The following STRN3 variants were observed in gnomAD, a reference collection of about 807,000 sequenced individuals.
The protein encoded by STRN3 is striatin-3.
In STRN3, 29 loss-of-function variants were observed where a neutral mutation model predicts 95.6. The observed-to-expected ratio is 0.30, with a 90% CI of 0.23 to 0.41. The LOEUF (loss-of-function observed/expected upper bound fraction) is 0.41, where lower values mean the gene tolerates loss of function less well. Among genes scored for constraint, STRN3 ranks in the 10% least tolerant of loss-of-function variants. The probability of loss-of-function intolerance (pLI) is 1.00; values close to 1 mark genes in which losing one functional copy is unlikely to be tolerated. For missense variants in STRN3, 890 were observed against 972.1 expected, an observed-to-expected ratio of 0.92 and a Z score of 1.12; for synonymous variants, 331 against 357.6, an observed-to-expected ratio of 0.93 and a Z score of 0.84.
intron 1 of STRN3, among the ~76,000 whole-genome samples, chr14:30,970,347 C>T (rs556977831): frequency 3.9e-5 from 6 of 152,296 alleles, no homozygotes; most frequent in Non-Finnish European, 7.4e-5. Flanking sequence ...GCTTTTATGC[C>T]GTAGTTGGTC....
intron 1 of STRN3, among the ~76,000 whole-genome samples, chr14:30,993,254 CAAA>C: frequency 7.7e-6 from 1 of 129,622 alleles, no homozygotes; most frequent in Non-Finnish European, 1.6e-5. Flanking sequence ...GACACTGTCT[CAAA>C]AAAAAAAAAA....
chr14:30,913,440 ATTAATT>A, intron 10 of STRN3, 78 bp downstream of exon 10: 1 of 1,354,936 alleles, frequency 7.4e-7, no homozygotes, highest in Non-Finnish European at 9.8e-7. Context: ...GCACCTTGAT[ATTAATT>A]CTGTTTTATA....
At chr14:31,012,408 C>A (rs1414256274) in intron 1 of STRN3, among the ~76,000 whole-genome samples, 1 of 152,150 alleles carries the variant, frequency 6.6e-6, no homozygotes, top group Non-Finnish European at 1.5e-5. Context: ...CAACTGCTAA[C>A]AACTCTTAAC....
At chr14:31,013,902 ATTATTATTATTATTATT>A (rs1883110096) in intron 1 of STRN3, among the ~76,000 whole-genome samples, 1 of 109,812 alleles carries the variant, frequency 9.1e-6, no homozygotes, top group Admixed American at 8.7e-5. Context: ...TATTATTATT[ATTATTATTATTATTATT>A]TGAGACAGAG....
chr14:31,002,669 G>A (rs1011448148), intron 1 of STRN3, among the ~76,000 whole-genome samples: 3 of 150,666 alleles, frequency 2.0e-5, no homozygotes, highest in Non-Finnish European at 4.4e-5. Flanking sequence ...AGGAAATTCT[G>A]AAACATAGTA....
intron 7 of STRN3, among the ~76,000 whole-genome samples, chr14:30,931,503 A>C (rs1236448996): frequency 6.6e-6 from 1 of 152,238 alleles, no homozygotes; most frequent in Non-Finnish European, 1.5e-5. Context: ...AATTATACAA[A>C]TCTATTAACT....
intron 1 of STRN3, among the ~76,000 whole-genome samples, chr14:30,968,127 G>A (rs1250956624): frequency 6.6e-6 from 1 of 152,040 alleles, no homozygotes; most frequent in Non-Finnish European, 1.5e-5. Flanking sequence ...TAATAGCAAA[G>A]AATAATTGAA....
chr14:30,993,211 C>T (rs1272640286), intron 1 of STRN3, among the ~76,000 whole-genome samples: 3 of 149,120 alleles, frequency 2.0e-5, no homozygotes, highest in African/African-American at 4.9e-5. Flanking sequence ...GCTATGATCC[C>T]ACCACTCCCT....
intron 9 of STRN3, 26 bp downstream of exon 9, chr14:30,918,936 GTAAA>G (rs1896809685): frequency 6.6e-7 from 1 of 1,522,800 alleles, no homozygotes; most frequent in East Asian, 2.4e-5. Flanking sequence ...CTTCTGAAAT[GTAAA>G]TAAACATGGT....
At chr14:30,958,743 G>C (rs371621915) in intron 1 of STRN3, among the ~76,000 whole-genome samples, 32 of 152,178 alleles carry the variant, frequency 2.1e-4, no homozygotes, top group African/African-American at 7.0e-4. Flanking sequence ...GAAAGTAAGT[G>C]AAAGTCATAA....
chr14:30,979,349 C>T (rs1023488281), intron 1 of STRN3, among the ~76,000 whole-genome samples: 10 of 152,090 alleles, frequency 6.6e-5, no homozygotes, highest in African/African-American at 1.4e-4. Flanking sequence ...GGTTTTGCAA[C>T]GGACTGTGTA....
intron 1 of STRN3, among the ~76,000 whole-genome samples, chr14:30,981,606 ACC>A (rs370486861): frequency 6.7e-6 from 1 of 148,482 alleles, no homozygotes; most frequent in Admixed American, 6.7e-5. Flanking sequence ...ACACACACAC[ACC>A]CCATAATTCA....
chr14:30,900,400 A>G (rs1441624137), intron 16 of STRN3, among the ~76,000 whole-genome samples: 1 of 135,874 alleles, frequency 7.4e-6, no homozygotes, highest in Non-Finnish European at 1.6e-5. Context: ...CATACATCTG[A>G]AGACAACTCA....
intron 1 of STRN3, among the ~76,000 whole-genome samples, chr14:30,979,443 G>C (rs1881277850): frequency 6.6e-6 from 1 of 152,072 alleles, no homozygotes; most frequent in Non-Finnish European, 1.5e-5. Flanking sequence ...TTGATCTGAA[G>C]TGTACTTCAG....
chr14:30,980,323 C>G (rs149861620), intron 1 of STRN3, among the ~76,000 whole-genome samples: 1 of 152,240 alleles, frequency 6.6e-6, no homozygotes, highest in African/African-American at 2.4e-5. Context: ...TAGAGGTCAC[C>G]AGCGTAAAAC....
At position 30,894,907 on chromosome 14, in the gene STRN3, TTA is replaced by T. The variant is rs1555313201; in HGVS notation, c.*502_*503del. The T allele has an allele frequency of 1.0e-5, 11 of 1,082,120 alleles. No individual in the cohort carries two copies. Among genetic ancestry groups the T allele is most frequent in the East Asian group, 6.6e-5 (1 of 15,176 alleles). The allele number at this position is 1,082,120 out of a possible 1,614,324, so 67.0% of individuals were successfully genotyped here. ...ATTTTCTTTTTCTTTTTTTTTTTTTTTAAAGCAAAATAAGTTTAAAAGGGAAT... is the reference window on the plus strand; with the variant it reads ...ATTTTCTTTTTCTTTTTTTTTTTTTTAAGCAAAATAAGTTTAAAAGGGAAT... On this transcript the variant is annotated 3_prime_UTR_variant, in exon 18 of 18. Coordinates refer to ENST00000357479, the MANE Select transcript of STRN3 (RefSeq NM_001083893.2).
At chr14:30,935,026 T>G (rs1878748566) in intron 7 of STRN3, 137 bp downstream of exon 7, 1 of 1,108,948 alleles carries the variant, frequency 9.0e-7, no homozygotes, top group Non-Finnish European at 1.2e-6. Context: ...ACCTTGATAT[T>G]ATTCAAAACC....
chr14:30,929,967 A>AAAAAAAAAAAAAAAACAAAAAAAC (rs1555317336), intron 7 of STRN3, among the ~76,000 whole-genome samples: 1 of 91,208 alleles, frequency 1.1e-5, no homozygotes, highest in African/African-American at 3.8e-5. Context: ...AAAAAAAAAA[A>AAAAAAAAAAAAAAAACAAAAAAAC]AAAAAAAAAA....
At chr14:31,024,402 T>A (rs1214549038) in intron 1 of STRN3, among the ~76,000 whole-genome samples, 1 of 152,242 alleles carries the variant, frequency 6.6e-6, no homozygotes, top group Non-Finnish European at 1.5e-5. Context: ...ATTCTATAAA[T>A]TTTAAGTATG....
Sources: allele counts gnomAD v4.1 joint callset (sites outside exome capture counted in the v4.1 genomes callset), GRCh38; gene constraint gnomAD v4.1.1; transcripts MANE v1.5; gene names NCBI Gene and HGNC (gene_info 2026-07-23, HGNC 2026-07-21).